Variants in AOX1 observed in about 807,000 individuals in gnomAD.
AOX1 encodes aldehyde oxidase.
AOX1 carries 153 observed loss-of-function variants against 169.5 expected under a neutral mutation model. The ratio of observed to expected loss-of-function variants is 0.90; its 90% confidence interval spans 0.79 to 1.03. The LOEUF (loss-of-function observed/expected upper bound fraction) is 1.03. Ranked by LOEUF, AOX1 falls within the 50% of genes least tolerant of loss-of-function variation. The probability of loss-of-function intolerance (pLI) is 0.00; values close to 1 mark genes in which losing one functional copy is unlikely to be tolerated. For missense variants in AOX1, 1,656 were observed against 1,663.9 expected (o/e 1.00, Z 0.08); for synonymous variants, 562 against 581.9 (o/e 0.97, Z 0.49).
At position 200,662,837 on chromosome 2, in the gene AOX1, A is replaced by ACTCACTG; in HGVS notation, c.3429-17_3429-11dup. On this transcript the variant is annotated splice_polypyrimidine_tract_variant and intron_variant, in intron 30 of 34. Transcript: ENST00000374700. ...TTAGGGGACGTGATCACTTAACAAC[A>ACTCACTG]CTCACTGTTTCTTCCAGAGGTTATG... 2 of 1,603,892 alleles carry ACTCACTG rather than the reference A, an allele frequency of 1.2e-6. No individual in the cohort carries two copies. Among genetic ancestry groups the ACTCACTG allele is most frequent in the Non-Finnish European group, 1.7e-6 (2 of 1,170,762 alleles).
chr2:200,654,962 G>A (rs957884832), intron 26 of AOX1, among the ~76,000 whole-genome samples: 3 of 152,192 alleles, frequency 2.0e-5, no homozygotes, highest in Admixed American at 2.0e-4. Context: ...TAGACATGCT[G>A]TCTTGGACAT....
At chr2:200,621,043 C>G in intron 17 of AOX1, 77 bp from the exon 18 acceptor site, 2 of 1,503,660 alleles carry the variant, frequency 1.3e-6, no homozygotes, top group Non-Finnish European at 1.8e-6. Flanking sequence ...TTACCTCTCT[C>G]ATATCTTATT....
intron 30 of AOX1, among the ~76,000 whole-genome samples, chr2:200,662,526 A>G (rs1027401174): frequency 2.6e-5 from 4 of 152,158 alleles, no homozygotes; most frequent in Non-Finnish European, 5.9e-5. Context: ...GTTTGGTGTA[A>G]AATGAAGGTT....
chr2:200,670,931 A>T lies in AOX1; in HGVS notation c.*252A>T. ...TTCCTCTAGGGTGATATCCGTCATT[A>T]CTCTGTCTCTTCAATCCATCCAGCT... is the stretch of plus-strand genomic sequence containing the variant. On this transcript the variant is annotated 3_prime_UTR_variant, in exon 35 of 35. Coordinates refer to ENST00000374700, the MANE Select transcript of AOX1 (RefSeq NM_001159.4). 1 of 400,342 alleles carries T rather than the reference A, an allele frequency of 2.5e-6. No individual in the cohort carries two copies. The highest frequency in any genetic ancestry group is 3.7e-5 in the East Asian group (1 of 27,268). 24.8% of individuals were successfully genotyped at this position (400,342 alleles called of 1,614,324 possible).
chr2:200,594,419 T>G (rs1003460435), intron 2 of AOX1, among the ~76,000 whole-genome samples: 1 of 152,122 alleles, frequency 6.6e-6, no homozygotes, highest in Non-Finnish European at 1.5e-5. Context: ...GCTATCACAC[T>G]CACATAAAGG....
intron 1 of AOX1, among the ~76,000 whole-genome samples, chr2:200,586,758 C>T (rs996455393): frequency 6.6e-6 from 1 of 152,238 alleles, no homozygotes; most frequent in Non-Finnish European, 1.5e-5. Flanking sequence ...AAGGTCCTCA[C>T]GGGTTCCACT....
At chr2:200,662,598 T>C (rs561104600) in intron 30 of AOX1, among the ~76,000 whole-genome samples, 2 of 152,336 alleles carry the variant, frequency 1.3e-5, no homozygotes, top group South Asian at 2.1e-4. Flanking sequence ...ATTCAGGAAG[T>C]AAGAAGCTAA....
At chr2:200,676,659 G>A (rs113610717) in intron 4 of AOX1, among the ~76,000 whole-genome samples, 171 of 151,900 alleles carry the variant, frequency 1.1e-3, no homozygotes, top group African/African-American at 3.9e-3. Flanking sequence ...CCAGTGGGTT[G>A]TCCCCATGGC....
chr2:200,636,763 G>A, intron 21 of AOX1, 148 bp from the exon 22 acceptor site: 1 of 911,334 alleles, frequency 1.1e-6, no homozygotes, highest in Non-Finnish European at 1.6e-6. Flanking sequence ...CAACATTAAA[G>A]AATCAAAACA....
chr2:200,644,937 G>C (rs2035420212), intron 25 of AOX1, among the ~76,000 whole-genome samples: 1 of 152,090 alleles, frequency 6.6e-6, no homozygotes, highest in Non-Finnish European at 1.5e-5. Flanking sequence ...AGTTCTAGGA[G>C]CTTTGTGAAG....
rs1190793238 is a variant in AOX1 at position 200,609,039 on chromosome 2, T to C, written c.963T>C (p.Asp321=). 6.2e-7 allele frequency: 1 copy of C among 1,614,116 alleles called. No individual in the cohort carries two copies. Among genetic ancestry groups the C allele is most frequent in the African/African-American group, 1.3e-5 (1 of 75,056 alleles). Residue 321 remains aspartate (D), a synonymous_variant, in exon 11 of 35, where the codon GAT becomes GAC. Transcript: ENST00000374700. ...CCCAGGTGAAGGACATTTTGGCTGATGTAGTCCAGAAGCTTCCAGAGGAGA... is the reference window on the plus strand; with the variant it reads ...CCCAGGTGAAGGACATTTTGGCTGACGTAGTCCAGAAGCTTCCAGAGGAGA... The part of the protein sequence containing the change: ...SLAQVKDILA[D]VVQKLPEEKT...
downstream of AOX1, among the ~76,000 whole-genome samples, chr2:200,677,659 A>C (rs1428254888): frequency 6.6e-6 from 1 of 152,222 alleles, no homozygotes; most frequent in African/African-American, 2.4e-5. Context: ...GGGAATTCTT[A>C]AATCATTTAA....
intron 32 of AOX1, 138 bp from the exon 33 acceptor site, chr2:200,668,477 C>A: frequency 1.4e-6 from 1 of 734,728 alleles, no homozygotes; most frequent in Non-Finnish European, 2.2e-6. Flanking sequence ...AAACTTTCAG[C>A]AACATGCTCC....
chr2:200,609,236 G>A, intron 11 of AOX1, 85 bp from the exon 12 acceptor site: 1 of 1,587,836 alleles, frequency 6.3e-7, no homozygotes, highest in Non-Finnish European at 8.6e-7. Context: ...AAAAAAAATA[G>A]TTCTCCAAAG....
In AOX1 at chr2:200,625,134, G is replaced by A. The variant is rs116024656; in HGVS notation, c.2124+1151G>A. Among the ~76,000 whole-genome samples the A allele has an allele frequency of 1.8e-3, 276 of 152,252 alleles. 1 individual carries two copies. Among genetic ancestry groups the A allele is most frequent in the African/African-American group, 6.4e-3 (267 of 41,554 alleles). The stretch of plus-strand genomic sequence containing the variant: ...AAAACGTAGAAGTCTAATTGGAGTC[G>A]AAGTGTGATTAGGCCTCCCAAATTT... On this transcript the variant is annotated intron_variant, in intron 19 of 34. Coordinates refer to ENST00000374700, the MANE Select transcript of AOX1 (RefSeq NM_001159.4).
At chr2:200,600,826 A>G (rs1285250567) in intron 5 of AOX1, among the ~76,000 whole-genome samples, 2 of 152,262 alleles carry the variant, frequency 1.3e-5, no homozygotes, top group South Asian at 4.1e-4. Flanking sequence ...TAGGTCATAC[A>G]TGGGAATTTG....
At chr2:200,680,534 G>GGTTTTTGTTTTTGTTTTTGTTTTT (rs71022331), downstream of AOX1, among the ~76,000 whole-genome samples, 3 of 149,376 alleles carry the variant, frequency 2.0e-5, no homozygotes, top group East Asian at 4.0e-4. Flanking sequence ...TCAGGGCCAA[G>GGTTTTTGTTTTTGTTTTTGTTTTT]GTTTTTGTTT....
intron 25 of AOX1, among the ~76,000 whole-genome samples, chr2:200,649,193 G>A (rs367593332): frequency 2.4e-5 from 3 of 123,444 alleles, no homozygotes; most frequent in African/African-American, 6.2e-5. Flanking sequence ...CTGGTCCCCC[G>A]CCCCCTCCGC....
At chr2:200,667,108 C>T (rs566163887) in intron 32 of AOX1, among the ~76,000 whole-genome samples, 12 of 152,240 alleles carry the variant, frequency 7.9e-5, no homozygotes, top group East Asian at 5.8e-4. Context: ...AGTTTGAAGT[C>T]GTGTTGGGAT....
Sources: gnomAD v4.1 joint callset for allele counts (sites outside exome capture counted in the v4.1 genomes callset) on GRCh38, gnomAD v4.1.1 for gene constraint, MANE v1.5 for transcripts, NCBI Gene and HGNC (gene_info 2026-07-23, HGNC 2026-07-21) for gene names.